Variants in CADPS observed in about 807,000 individuals in gnomAD.
CADPS encodes calcium-dependent secretion activator 1.
In CADPS, 57 loss-of-function variants were observed where a neutral mutation model predicts 167.3. The ratio of observed to expected loss-of-function variants is 0.34; its 90% CI spans 0.28 to 0.42. The LOEUF is 0.42. Among genes scored for constraint, CADPS ranks in the 20% least tolerant of loss-of-function variants. The pLI, the probability that CADPS is intolerant of heterozygous loss-of-function variation, is 1.00. For synonymous variants in CADPS, 676 were observed against 635.3 expected (o/e 1.06, Z -0.96); for missense variants, 1,414 against 1,738.1 (o/e 0.81, Z 3.32).
intron 26 of CADPS, among the ~76,000 whole-genome samples, chr3:62,450,638 A>G (rs2057901683): frequency 6.6e-6 from 1 of 152,204 alleles, no homozygotes; most frequent in African/African-American, 2.4e-5. Flanking sequence ...CCAGTTCTGG[A>G]AAAAGCTTAG....
chr3:62,633,152 C>A (rs925360083), intron 6 of CADPS, among the ~76,000 whole-genome samples: 2 of 152,174 alleles, frequency 1.3e-5, no homozygotes, highest in African/African-American at 4.8e-5. Context: ...ATAGTACCAC[C>A]CTTGGAAAAA....
chr3:62,517,301 C>T (rs2069237791), intron 14 of CADPS, among the ~76,000 whole-genome samples: 1 of 152,142 alleles, frequency 6.6e-6, no homozygotes, highest in African/African-American at 2.4e-5. Context: ...GACAGAGAGA[C>T]TAGCATGGCT....
At chr3:62,425,464 A>G (rs1455158303) in intron 28 of CADPS, among the ~76,000 whole-genome samples, 1 of 152,222 alleles carries the variant, frequency 6.6e-6, no homozygotes, top group Admixed American at 6.5e-5. Context: ...TTTTAAAAAC[A>G]GATGTCTAAT....
chr3:62,741,266 T>A (rs141705740), intron 3 of CADPS, among the ~76,000 whole-genome samples: 51 of 152,330 alleles, frequency 3.3e-4, no homozygotes, highest in Non-Finnish European at 6.3e-4. Flanking sequence ...CCTGCCTAAC[T>A]GATTTTATAA....
chr3:62,491,318 T>C, intron 21 of CADPS, 21 bp downstream of exon 21: 1 of 1,611,994 alleles, frequency 6.2e-7, no homozygotes, highest in Non-Finnish European at 8.5e-7. Flanking sequence ...ACTCCGATGG[T>C]ATCAAAAAAG....
intron 26 of CADPS, among the ~76,000 whole-genome samples, chr3:62,462,915 G>C (rs1323873495): frequency 6.6e-6 from 1 of 152,164 alleles, no homozygotes; most frequent in African/African-American, 2.4e-5. Flanking sequence ...TCTAATACTG[G>C]AATACTGGCA....
intron 3 of CADPS, among the ~76,000 whole-genome samples, chr3:62,699,877 C>T (rs951028204): frequency 1.3e-5 from 2 of 152,004 alleles, no homozygotes; most frequent in Non-Finnish European, 2.9e-5. Context: ...AAAGTTGTAT[C>T]GGAACACAGA....
chr3:62,689,229 T>TG (rs1016181267), intron 3 of CADPS, among the ~76,000 whole-genome samples: 5 of 151,734 alleles, frequency 3.3e-5, no homozygotes, highest in Non-Finnish European at 7.4e-5. Flanking sequence ...GTACCTGAGC[T>TG]GAAAAAAAAA....
At chr3:62,413,128 C>T (rs919979514) in intron 28 of CADPS, among the ~76,000 whole-genome samples, 3 of 152,120 alleles carry the variant, frequency 2.0e-5, no homozygotes, top group Admixed American at 6.5e-5. Flanking sequence ...CTTAAAGACA[C>T]GAAGGCACAA....
intron 26 of CADPS, among the ~76,000 whole-genome samples, chr3:62,453,228 G>A (rs2058289763): frequency 6.6e-6 from 1 of 152,096 alleles, no homozygotes; most frequent in African/African-American, 2.4e-5. Flanking sequence ...AAGGGATTGA[G>A]AGCAGAAAGG....
chr3:62,734,170 T>C (rs867402797), intron 3 of CADPS, among the ~76,000 whole-genome samples: 4 of 152,132 alleles, frequency 2.6e-5, no homozygotes, highest in South Asian at 4.1e-4. Flanking sequence ...TTGACGAATT[T>C]TTACCTATGT....
intron 26 of CADPS, among the ~76,000 whole-genome samples, chr3:62,461,163 G>A (rs1322609904): frequency 6.6e-6 from 1 of 152,162 alleles, no homozygotes; most frequent in Non-Finnish European, 1.5e-5. Flanking sequence ...TGTTGGAATG[G>A]GATTGTTCTG....
At chr3:62,780,982 A>T (rs1307765705) in intron 1 of CADPS, among the ~76,000 whole-genome samples, 1 of 152,194 alleles carries the variant, frequency 6.6e-6, no homozygotes, top group Non-Finnish European at 1.5e-5. Flanking sequence ...TCTATATCTT[A>T]GGACTCGTAC....
At chr3:62,808,178 T>G (rs902115884) in intron 1 of CADPS, among the ~76,000 whole-genome samples, 1 of 152,060 alleles carries the variant, frequency 6.6e-6, no homozygotes, top group Non-Finnish European at 1.5e-5. Flanking sequence ...CAGCCTCAAT[T>G]TGATATTTCT....
chr3:62,549,518 T>C (rs1458202013), intron 11 of CADPS, among the ~76,000 whole-genome samples: 1 of 151,752 alleles, frequency 6.6e-6, no homozygotes, highest in Non-Finnish European at 1.5e-5. Context: ...ATTGCAGATT[T>C]AAGTTGATTT....
At chr3:62,733,359 C>T (rs766156158) in intron 3 of CADPS, among the ~76,000 whole-genome samples, 15 of 151,964 alleles carry the variant, frequency 9.9e-5, no homozygotes, top group Non-Finnish European at 2.1e-4. Flanking sequence ...AGAAACTTGC[C>T]TGAGAGATGA....
chr3:62,519,400 CG>C (rs1312070080), intron 13 of CADPS, among the ~76,000 whole-genome samples: 1 of 152,118 alleles, frequency 6.6e-6, no homozygotes, highest in Admixed American at 6.6e-5. Flanking sequence ...CCTCCTGTTA[CG>C]GGTTAATCAG....
At chr3:62,750,569 A>G (rs996878288) in intron 3 of CADPS, among the ~76,000 whole-genome samples, 1 of 152,198 alleles carries the variant, frequency 6.6e-6, no homozygotes, top group African/African-American at 2.4e-5. Flanking sequence ...TTTCATTTAC[A>G]GAATAACTGT....
At chr3:62,429,997 TTTCTATGAA>T (rs1330092991) in intron 28 of CADPS, among the ~76,000 whole-genome samples, 1 of 152,218 alleles carries the variant, frequency 6.6e-6, no homozygotes, top group Non-Finnish European at 1.5e-5. Context: ...GAGAGTTCTA[TTTCTATGAA>T]TGGCTTTGGA....
Sources: gnomAD v4.1 joint callset for allele counts (sites outside exome capture counted in the v4.1 genomes callset) on GRCh38, gnomAD v4.1.1 for gene constraint, MANE v1.5 for transcripts, NCBI Gene and HGNC (gene_info 2026-07-23, HGNC 2026-07-21) for gene names.